TGOLN2: variants seen among roughly 807,000 people sequenced by gnomAD.
The protein encoded by TGOLN2 is trans-Golgi network integral membrane protein 2.
Under a neutral mutation model 31.3 loss-of-function variants are expected in TGOLN2, and 19 were observed. The observed-to-expected ratio is 0.61, with a 90% CI of 0.42 to 0.89. The LOEUF (loss-of-function observed/expected upper bound fraction) is 0.89. TGOLN2 is among the 40% of genes least tolerant of loss of function. The pLI is 0.00. For synonymous variants in TGOLN2, 222 were observed against 226.7 expected (o/e 0.98, Z 0.19); for missense variants, 540 against 559.2 (o/e 0.97, Z 0.35).
At chr2:85,327,827 G>T in intron 1 of TGOLN2, 90 bp downstream of exon 1, 11 of 1,539,832 alleles carry the variant, frequency 7.1e-6, no homozygotes, top group Non-Finnish European at 9.7e-6. Context: ...AGGTGGGTCG[G>T]GTAGGGAAGA....
chr2:85,324,807 C>T (rs1419756933), intron 3 of TGOLN2, 108 bp downstream of exon 3: 15 of 993,950 alleles, frequency 1.5e-5, no homozygotes, highest in Non-Finnish European at 2.2e-5. Context: ...ACCGCATCCC[C>T]AGAATCAGCC....
chr2:85,324,809 G>T, intron 3 of TGOLN2, 106 bp downstream of exon 3: 1 of 1,016,730 alleles, frequency 9.8e-7, no homozygotes, highest in Non-Finnish European at 1.5e-6. Context: ...CGCATCCCCA[G>T]AATCAGCCAC....
Position 85,326,543 on chromosome 2 carries a change from C to T in TGOLN2, c.1189G>A (p.Ala397Thr), listed in dbSNP as rs1223540378. Reference protein sequence around the residue: ...AYLVTAAILVAVLYIAHHNKR... With the variant: ...AYLVTAAILVTVLYIAHHNKR... The stretch of plus-strand genomic sequence containing the variant: ...TTGTGATGAGCGATATAGAGGACAG[C>T]CACAAGAATGGCTGCAGTCACCAGA... Residue 397 changes from alanine to threonine, a missense_variant, in exon 2 of 4, where the codon GCT becomes ACT. Ala to Thr is a moderately conservative substitution (Grantham distance 58, BLOSUM62 0). Coordinates refer to ENST00000377386, the MANE Select transcript of TGOLN2 (RefSeq NM_006464.4). The T allele has an allele frequency of 6.2e-7, 1 of 1,613,886 alleles. No individual in the cohort carries two copies. The highest frequency in any genetic ancestry group is 2.2e-5 in the East Asian group (1 of 44,882).
At position 85,324,984 on chromosome 2, in the gene TGOLN2, G is replaced by A. The variant is rs1178385481; in HGVS notation, c.1239C>T (p.Val413=). ...HHNKRKIIAF[V]LEGKRSKVTR... is the part of the protein sequence containing the mutation. ...TGACTTTAGATCTTTTTCCTTCCAG[G>A]ACAAAAGCAATGATCTGAGGAAAGG... The change falls in exon 3 of 4, where the codon GTC becomes GTT. Residue 413 remains valine, a synonymous_variant. Coordinates refer to ENST00000377386, the MANE Select transcript of TGOLN2 (RefSeq NM_006464.4). 2 of 1,552,338 alleles carry A rather than the reference G, an allele frequency of 1.3e-6. No individual in the cohort carries two copies. The highest frequency in any genetic ancestry group is 1.7e-6 in the Non-Finnish European group (2 of 1,147,300).
Position 85,326,956 on chromosome 2 carries a change from C to T in TGOLN2, c.776G>A (p.Arg259Gln). 2.5e-6 allele frequency: 4 copies of T among 1,613,930 alleles called. No individual in the cohort carries two copies. Among genetic ancestry groups the T allele is most frequent in the Non-Finnish European group, 3.4e-6 (4 of 1,179,826 alleles). ...GGAGATGGGCTTGGAATGGTCTTTC[C>T]GGGAAGGCTGCTCTGGAACCACCTT... ...PNKVVPEQPSRKDHSKPISNP... is the reference protein window; with the variant it reads ...PNKVVPEQPSQKDHSKPISNP... The change falls in exon 2 of 4, where the codon CGG (arginine) becomes CAG (glutamine). Residue 259 changes from arginine to glutamine, a missense_variant. Physicochemically the swap from Arg to Gln is conservative, Grantham distance 43 (BLOSUM62 1). Coordinates refer to ENST00000377386, the MANE Select transcript of TGOLN2 (RefSeq NM_006464.4).
intron 1 of TGOLN2, 24 bp from the exon 2 acceptor site, chr2:85,327,709 A>T (rs927583101): frequency 6.9e-7 from 1 of 1,446,332 alleles, no homozygotes; most frequent in Non-Finnish European, 9.3e-7. Context: ...ACGAGTTAGC[A>T]CCGGAGAAGG....
intron 3 of TGOLN2, among the ~76,000 whole-genome samples, chr2:85,323,081 G>A (rs540580859): frequency 6.6e-6 from 1 of 152,242 alleles, no homozygotes; most frequent in Admixed American, 6.5e-5. Context: ...AAGTTCAAGC[G>A]ATTCTCCCAC....
rs773534898 is a variant in TGOLN2, at chr2:85,327,080, T to C, written c.652A>G (p.Lys218Glu). 8.1e-6 allele frequency: 13 copies of C among 1,613,432 alleles called. No individual in the cohort carries two copies. Among genetic ancestry groups the C allele is most frequent in the Admixed American group, 3.3e-5 (2 of 59,966 alleles). The change falls in exon 2 of 4, where the codon AAA becomes GAA. Residue 218 changes from lysine (K) to glutamate (E), a missense_variant. Transcript: ENST00000377386. ...GCACCGGACTTGTTAGAGCCGTCTT[T>C]TGGAGTCTGCTTCTCCGCACCCGAC... ...NKSGAEKQTP[K>E]DGSNKSGAEE...
intron 2 of TGOLN2, among the ~76,000 whole-genome samples, chr2:85,325,343 G>A (rs1682693166): frequency 6.6e-6 from 1 of 152,158 alleles, no homozygotes; most frequent in Non-Finnish European, 1.5e-5. Context: ...TTTAAAAAAA[G>A]TCATAATCAG....
At chr2:85,324,658 G>T in intron 3 of TGOLN2, 1 of 507,468 alleles carries the variant, frequency 2.0e-6, no homozygotes, top group South Asian at 3.2e-5. Flanking sequence ...GTTTCTGCGT[G>T]GGCCTATTTC....
chr2:85,327,291 T>C lies in TGOLN2; in HGVS notation c.441A>G (p.Pro147=). The part of the protein sequence containing the change: ...TGKSGAEAQT[P]EDSPNRSGAE... ...CACCCGACCTGTTGGGGCTGTCTTC[T>C]GGGGTCTGCGCCTCCGCACCCGATT... is the stretch of plus-strand genomic sequence containing the variant. The change falls in exon 2 of 4, where the codon CCA becomes CCG. Residue 147 remains proline, a synonymous_variant. Transcript: ENST00000377386. 1.2e-6 allele frequency: 2 copies of C among 1,611,270 alleles called. No homozygotes were observed. The highest frequency in any genetic ancestry group is 1.1e-5 in the South Asian group (1 of 91,022).
rs1402068875 is a variant in TGOLN2, at chr2:85,327,549, CTGCGGCTCCGGA to C, written c.171_182del (p.His57_Pro60del). 1 of 1,614,062 alleles carries C rather than the reference CTGCGGCTCCGGA, an allele frequency of 6.2e-7. No homozygotes were observed. On this transcript the variant is annotated inframe_deletion, in exon 2 of 4. Transcript: ENST00000377386. ...ACTTGCTAGGGCTGTCTTTTGGAGTCTGCGGCTCCGGATGCGACTTGGTAGAGCCTCCAGGCC... is the reference window on the plus strand; with the variant it reads ...ACTTGCTAGGGCTGTCTTTTGGAGTCTGCGACTTGGTAGAGCCTCCAGGCC...
At chr2:85,322,780 A>C (rs1682593600) in intron 3 of TGOLN2, 39 bp from the exon 4 acceptor site, 2 of 1,606,506 alleles carry the variant, frequency 1.2e-6, no homozygotes, top group Admixed American at 3.6e-5. Flanking sequence ...TGCAGGGAAA[A>C]CATTCAGAAT....
chr2:85,326,613 G>C lies in TGOLN2; in HGVS notation c.1119C>G (p.Asn373Lys), dbSNP rs752870550. The change falls in exon 2 of 4, where the codon AAC (asparagine) becomes AAG (lysine). Residue 373 changes from asparagine to lysine, a missense_variant. Transcript: ENST00000377386. ...TCTCCGCGCTGCCATTTCCAGAACCGTTCGGATAAAGGTCATCCTTCTCGC... is the reference window on the plus strand; with the variant it reads ...TCTCCGCGCTGCCATTTCCAGAACCCTTCGGATAAAGGTCATCCTTCTCGC... ...TGSEKDDLYP[N>K]GSGNGSAESS... 1.9e-6 allele frequency: 3 copies of C among 1,613,880 alleles called. No homozygotes were observed. Among genetic ancestry groups the C allele is most frequent in the Non-Finnish European group, 8.5e-7 (1 of 1,179,904 alleles).
At position 85,326,798 on chromosome 2, in the gene TGOLN2, C is replaced by A. The variant is rs779636339; in HGVS notation, c.934G>T (p.Val312Phe). Reference protein sequence around the residue: ...TDLISPPQEEVKSSEPTEDVE... With the variant: ...TDLISPPQEEFKSSEPTEDVE... ...TCCTCAGTAGGCTCTGAAGACTTAA[C>A]TTCCTCCTGCGGGGGAGAAATGAGG... The change falls in exon 2 of 4, where the codon GTT becomes TTT. Residue 312 changes from valine (V) to phenylalanine (F), a missense_variant. Transcript: ENST00000377386. 5.6e-6 allele frequency: 9 copies of A among 1,613,948 alleles called. No homozygotes were observed. In the African/African-American group the frequency reaches 6.7e-5, roughly 12 times the overall value.
At chr2:85,323,641 C>A (rs996178175) in intron 3 of TGOLN2, among the ~76,000 whole-genome samples, 9 of 152,188 alleles carry the variant, frequency 5.9e-5, no homozygotes, top group African/African-American at 2.2e-4. Context: ...TAGTCCAGAG[C>A]TAAATTGTAA....
intron 2 of TGOLN2, 71 bp downstream of exon 2, chr2:85,326,437 T>C: frequency 6.7e-7 from 1 of 1,494,438 alleles, no homozygotes; most frequent in Non-Finnish European, 9.2e-7. Context: ...AGTGACGGGA[T>C]ACCCACCCAC....
chr2:85,319,279 G>C lies in TGOLN2; in HGVS notation c.*3457C>G, dbSNP rs1026717711. ...TGCAACCTCCGCCTCCCGGATTCAA[G>C]CAATTCTCCTGCCTCAGCCTATCTA... On this transcript the variant is annotated 3_prime_UTR_variant, in exon 4 of 4. Transcript: ENST00000377386. The C allele has an allele frequency of 1.3e-5, 2 of 149,086 alleles. No individual in the cohort carries two copies. The highest frequency in any genetic ancestry group is 2.5e-5 in the African/African-American group (1 of 40,254). 9.2% of individuals were successfully genotyped at this position (149,086 alleles called of 1,614,324 possible).
intron 2 of TGOLN2, among the ~76,000 whole-genome samples, chr2:85,325,335 TA>T (rs879452401): frequency 6.6e-6 from 1 of 152,298 alleles, no homozygotes; most frequent in East Asian, 1.9e-4. Context: ...GACATTCCTT[TA>T]AAAAAAGTCA....
Sources: gnomAD v4.1 joint callset for allele counts (sites outside exome capture counted in the v4.1 genomes callset) on GRCh38, gnomAD v4.1.1 for gene constraint, MANE v1.5 for transcripts, NCBI Gene and HGNC (gene_info 2026-07-23, HGNC 2026-07-21) for gene names.